GLB1L2: variants seen among roughly 807,000 people sequenced by gnomAD.
The protein encoded by GLB1L2 is galactosidase beta 1 like 2.
Under a neutral mutation model 84.1 loss-of-function variants are expected in GLB1L2, and 68 were observed. The ratio of observed to expected loss-of-function variants is 0.81; its 90% CI spans 0.67 to 0.99. GLB1L2 has a LOEUF of 0.99. Ranked by LOEUF, GLB1L2 falls within the 50% of genes least tolerant of loss-of-function variation. GLB1L2 has a pLI of 0.00. For synonymous variants in GLB1L2, 290 were observed against 318.0 expected (o/e 0.91, Z 0.94); for missense variants, 762 against 805.6 (o/e 0.95, Z 0.66).
Position 134,334,698 on chromosome 11 carries a change from C to CT in GLB1L2, c.86+2554dup, listed in dbSNP as rs770736584. Reference sequence around the variant, plus strand: ...GCCCCAAGCAACCACTGATCTGTTGCTTTCCGACACGATATATTGGTTTGC... The same window carrying CT: ...GCCCCAAGCAACCACTGATCTGTTGCTTTTCCGACACGATATATTGGTTTGC... On this transcript the variant is annotated intron_variant, in intron 1 of 18. Coordinates refer to ENST00000535456, the MANE Select transcript of GLB1L2 (RefSeq NM_001370461.1). The surrounding 1 kb of genome is among the most constrained non-coding windows in gnomAD (Gnocchi z 4.1). 7.9e-5 allele frequency among the ~76,000 whole-genome samples: 12 copies of CT among 152,136 alleles called. No individual in the cohort carries two copies. The highest frequency in any genetic ancestry group is 1.6e-4 in the Non-Finnish European group (11 of 68,012).
At chr11:134,332,407 C>T (rs956961574) in intron 1 of GLB1L2, among the ~76,000 whole-genome samples, 5 of 152,078 alleles carry the variant, frequency 3.3e-5, no homozygotes, top group African/African-American at 1.2e-4. Flanking sequence ...GCCCACCCCG[C>T]CGCGCCTGTG....
Position 134,370,374 on chromosome 11 carries a change from G to C in GLB1L2, c.1190G>C (p.Trp397Ser). The change falls in exon 12 of 19, where the codon TGG becomes TCG. Residue 397 changes from tryptophan (W) to serine (S), a missense_variant. Around this residue, in one of 3 missense-constraint regions of GLB1L2, gnomAD observed 603 missense variants for 611.7 expected, o/e 0.99. Transcript: ENST00000535456. This position sits in a 1 kb window ranked among gnomAD's most constrained non-coding sequence, Gnocchi z 4.7. ...ACGCCAGTCTTGTACCTGTCTCTGTGGGACGCCCTCAAGTACCTGGGGGAG... is the reference window on the plus strand; with the variant it reads ...ACGCCAGTCTTGTACCTGTCTCTGTCGGACGCCCTCAAGTACCTGGGGGAG... ...PLTPVLYLSLWDALKYLGEPI... is the reference protein window; with the variant it reads ...PLTPVLYLSLSDALKYLGEPI... 2 of 1,613,746 alleles carry C rather than the reference G, an allele frequency of 1.2e-6. No homozygotes were observed. Among genetic ancestry groups the C allele is most frequent in the Non-Finnish European group, 1.7e-6 (2 of 1,179,930 alleles).
In GLB1L2 at chr11:134,332,034, CCG is replaced by C; in HGVS notation, c.-27_-26del. ...GCTGAGTGCGGACTGGAGTGGGAACCCGGGTCCCCGCGCTTAGAGAACACGCG... is the reference window on the plus strand; with the variant it reads ...GCTGAGTGCGGACTGGAGTGGGAACCGGTCCCCGCGCTTAGAGAACACGCG... On this transcript the variant is annotated 5_prime_UTR_variant, in exon 1 of 19. Transcript: ENST00000535456. 1 of 1,510,410 alleles carries C rather than the reference CCG, an allele frequency of 6.6e-7. No homozygotes were observed. The highest frequency in any genetic ancestry group is 8.9e-7 in the Non-Finnish European group (1 of 1,118,466). 93.6% of individuals were successfully genotyped at this position (1,510,410 alleles called of 1,614,324 possible). A position where few individuals can be genotyped will look rare whatever the true frequency, so the allele number is the denominator to read the frequency against.
At position 134,370,407 on chromosome 11, in the gene GLB1L2, C is replaced by T. The variant is rs369473145; in HGVS notation, c.1215+8C>T. 6 of 1,604,476 alleles carry T rather than the reference C, an allele frequency of 3.7e-6. No homozygotes were observed. The highest frequency in any genetic ancestry group is 2.7e-5 in the African/African-American group (2 of 74,658). Reference sequence around the variant, plus strand: ...CTCAAGTACCTGGGGGAGGTGAGTGCTGTGGGCAGTCATCGGGAGGTGAGT... The same window carrying T: ...CTCAAGTACCTGGGGGAGGTGAGTGTTGTGGGCAGTCATCGGGAGGTGAGT... On this transcript the variant is annotated splice_region_variant and intron_variant, in intron 12 of 18. Transcript: ENST00000535456. The surrounding 1 kb of genome is among the most constrained non-coding windows in gnomAD (Gnocchi z 4.7).
intron 8 of GLB1L2, among the ~76,000 whole-genome samples, chr11:134,365,927 A>G (rs1213441689): frequency 2.0e-5 from 3 of 152,118 alleles, no homozygotes; most frequent in Non-Finnish European, 4.4e-5. Flanking sequence ...AGCACCTCCT[A>G]CCTGCCAGGA....
chr11:134,348,098 T>C (rs984034500), intron 5 of GLB1L2, among the ~76,000 whole-genome samples: 2 of 152,100 alleles, frequency 1.3e-5, no homozygotes, highest in East Asian at 1.9e-4. Context: ...AAGAACGGCA[T>C]TGAGAAATTA....
rs1825588279 is a variant in GLB1L2, at chr11:134,375,427, G to A, written c.*369G>A. 1 of 204,408 alleles carries A rather than the reference G, an allele frequency of 4.9e-6. No individual in the cohort carries two copies. The highest frequency in any genetic ancestry group is 5.9e-5 in the Admixed American group (1 of 16,964). 12.7% of individuals were successfully genotyped at this position (204,408 alleles called of 1,614,324 possible). A position where few individuals can be genotyped will look rare whatever the true frequency, so the allele number is the denominator to read the frequency against. On this transcript the variant is annotated 3_prime_UTR_variant, in exon 19 of 19. Coordinates refer to ENST00000535456, the MANE Select transcript of GLB1L2 (RefSeq NM_001370461.1). ...CCCTGCGAGCATCTGCTGGACTCAG[G>A]CGTGCTCTTTGCTGGTTCCTGGGAG...
intron 10 of GLB1L2, among the ~76,000 whole-genome samples, chr11:134,369,422 T>G (rs936616070): frequency 1.4e-5 from 2 of 143,240 alleles, no homozygotes; most frequent in African/African-American, 4.9e-5. Flanking sequence ...CTGGAACTCC[T>G]GGCCTCGAGC....
chr11:134,362,898 G>A (rs115595090), intron 7 of GLB1L2, among the ~76,000 whole-genome samples: 1,878 of 152,236 alleles, frequency 0.012, 41 homozygotes, highest in African/African-American at 0.04. Flanking sequence ...CACCCCTTCC[G>A]CACTCCTAGA....
At position 134,342,851 on chromosome 11, in the gene GLB1L2, T is replaced by G. The variant is rs745973131; in HGVS notation, c.184T>G (p.Trp62Gly). 1 of 1,614,010 alleles carries G rather than the reference T, an allele frequency of 6.2e-7. No homozygotes were observed. The highest frequency in any genetic ancestry group is 1.1e-5 in the South Asian group (1 of 91,074). The change falls in exon 2 of 19, where the codon TGG becomes GGG. Residue 62 changes from tryptophan to glycine, a missense_variant. Transcript: ENST00000535456. Reference protein sequence around the residue: ...WNFMLEDSTFWIFGGSIHYFR... With the variant: ...WNFMLEDSTFGIFGGSIHYFR... Reference sequence around the variant, plus strand: ...CTTCATGCTGGAGGATTCCACCTTCTGGATCTTCGGGGGCTCCATCCACTA... The same window carrying G: ...CTTCATGCTGGAGGATTCCACCTTCGGGATCTTCGGGGGCTCCATCCACTA...
intron 15 of GLB1L2, chr11:134,372,511 A>T (rs1943970258): frequency 6.6e-6 from 1 of 151,958 alleles, no homozygotes; most frequent in Non-Finnish European, 1.5e-5. Flanking sequence ...CAGCCTCCCG[A>T]GTAGCTGGGA....
At chr11:134,342,214 C>T (rs1943474058) in intron 1 of GLB1L2, among the ~76,000 whole-genome samples, 1 of 152,096 alleles carries the variant, frequency 6.6e-6, no homozygotes, top group East Asian at 1.9e-4. Context: ...GTGGGGGACT[C>T]TGCTCTAGCT....
At position 134,373,757 on chromosome 11, in the gene GLB1L2, T is replaced by G. The variant is rs1333357779; in HGVS notation, c.1544T>G (p.Leu515Arg). The G allele has an allele frequency of 1.2e-6, 2 of 1,613,104 alleles. No individual in the cohort carries two copies. The highest frequency in any genetic ancestry group is 2.7e-5 in the African/African-American group (2 of 74,908). Residue 515 changes from leucine to arginine, a missense_variant, in exon 16 of 19, where the codon CTG becomes CGG. Around this residue, in one of 3 missense-constraint regions of GLB1L2, gnomAD observed 603 missense variants for 611.7 expected, o/e 0.99. Coordinates refer to ENST00000535456, the MANE Select transcript of GLB1L2 (RefSeq NM_001370461.1). ...AATCTCTATCTGAATGATTCACCCC[T>G]GAAAAACTTCAGAATCTATAGCCTG... ...IGNLYLNDSP[L>R]KNFRIYSLDM...
intron 2 of GLB1L2, 96 bp downstream of exon 2, chr11:134,343,047 C>T (rs1943492309): frequency 7.7e-7 from 1 of 1,298,520 alleles, no homozygotes; most frequent in African/African-American, 1.5e-5. Context: ...CCCAGGTCCT[C>T]TGCCCAGGGC....
At chr11:134,333,699 C>T (rs537979854) in intron 1 of GLB1L2, among the ~76,000 whole-genome samples, 63 of 152,320 alleles carry the variant, frequency 4.1e-4, no homozygotes, top group Middle Eastern at 6.8e-3. Flanking sequence ...GCTGGGAAGA[C>T]GCCTGAGCTT....
In GLB1L2 at chr11:134,367,286, C is replaced by T; in HGVS notation, c.834C>T (p.Tyr278=). 1 of 1,614,132 alleles carries T rather than the reference C, an allele frequency of 6.2e-7. No individual in the cohort carries two copies. Among genetic ancestry groups the T allele is most frequent in the African/African-American group, 1.3e-5 (1 of 75,048 alleles). Residue 278 remains tyrosine, a synonymous_variant, in exon 9 of 19, where the codon TAC becomes TAT. Transcript: ENST00000535456. ...CTCAGCCCAAGATGGTGATGGAGTACTGGACGGGGTGGTTTGACTCGTGGG... is the reference window on the plus strand; with the variant it reads ...CTCAGCCCAAGATGGTGATGGAGTATTGGACGGGGTGGTTTGACTCGTGGG... The part of the protein sequence containing the change: ...QGTQPKMVME[Y]WTGWFDSWGG...
chr11:134,370,428 T>C lies in GLB1L2; in HGVS notation c.1215+29T>C. ...AGTGCTGTGGGCAGTCATCGGGAGGTGAGTGAGTGCCGGGGGCAGTCGTTG... is the reference window on the plus strand; with the variant it reads ...AGTGCTGTGGGCAGTCATCGGGAGGCGAGTGAGTGCCGGGGGCAGTCGTTG... On this transcript the variant is annotated intron_variant, in intron 12 of 18. Transcript: ENST00000535456. This position sits in a 1 kb window ranked among gnomAD's most constrained non-coding sequence, Gnocchi z 4.7. 6.4e-7 allele frequency: 1 copy of C among 1,553,520 alleles called. No individual in the cohort carries two copies. Among genetic ancestry groups the C allele is most frequent in the African/African-American group, 1.4e-5 (1 of 72,732 alleles).
chr11:134,362,290 C>G (rs1215054000), intron 7 of GLB1L2, among the ~76,000 whole-genome samples: 1 of 151,608 alleles, frequency 6.6e-6, no homozygotes, highest in Non-Finnish European at 1.5e-5. Flanking sequence ...GGGTAGTTTG[C>G]TTTTTACAAA....
At chr11:134,333,044 GAGAAACTAA>G (rs1276695942) in intron 1 of GLB1L2, among the ~76,000 whole-genome samples, 1 of 152,144 alleles carries the variant, frequency 6.6e-6, no homozygotes, top group Admixed American at 6.5e-5. Flanking sequence ...TTTTTACTTA[GAGAAACTAA>G]GTTCTTAGTT....
Sources: gnomAD v4.1 joint callset for allele counts (sites outside exome capture counted in the v4.1 genomes callset) on GRCh38, gnomAD v4.1.1 for gene constraint, gnomAD v4.1.1 regional missense constraint, Gnocchi (gnomAD v3.1) non-coding constraint, MANE v1.5 for transcripts, NCBI Gene and HGNC (gene_info 2026-07-23, HGNC 2026-07-21) for gene names.